Variants in STX8 observed in about 807,000 individuals in gnomAD.
STX8 encodes syntaxin 8.
STX8 carries 23 observed loss-of-function variants against 37.5 expected under a neutral mutation model. The ratio of observed to expected loss-of-function variants is 0.61; its 90% confidence interval spans 0.44 to 0.87. The LOEUF (loss-of-function observed/expected upper bound fraction) is 0.87. Among genes scored for constraint, STX8 ranks in the 40% least tolerant of loss-of-function variants. STX8 has a pLI of 0.00. For missense variants in STX8, 313 were observed against 284.7 expected, an observed-to-expected ratio of 1.10 and a Z score of -0.71; for synonymous variants, 115 against 99.1, an observed-to-expected ratio of 1.16 and a Z score of -0.95.
intron 7 of STX8, among the ~76,000 whole-genome samples, chr17:9,326,443 G>A (rs1282287749): frequency 3.3e-5 from 5 of 152,148 alleles, no homozygotes; most frequent in Non-Finnish European, 7.4e-5. Flanking sequence ...TTTCTAGCCT[G>A]TTCATCTAGT....
chr17:9,331,775 T>TCCCTCC (rs1384871048), intron 7 of STX8, among the ~76,000 whole-genome samples: 4 of 152,004 alleles, frequency 2.6e-5, no homozygotes, highest in Non-Finnish European at 4.4e-5. Context: ...GTTCTCTCTC[T>TCCCTCC]CCCTCCCCCC....
chr17:9,559,291 G>C (rs1276085323), intron 2 of STX8, among the ~76,000 whole-genome samples: 1 of 152,058 alleles, frequency 6.6e-6, no homozygotes, highest in East Asian at 1.9e-4. Flanking sequence ...ATAACCACAT[G>C]TCAATCTTAC....
chr17:9,273,062 T>C (rs1436681705), intron 7 of STX8, among the ~76,000 whole-genome samples: 4 of 152,234 alleles, frequency 2.6e-5, no homozygotes, highest in African/African-American at 9.6e-5. Flanking sequence ...AAACCGCCCT[T>C]TGGCGAGGCG....
At chr17:9,559,760 A>ATATTTATTTTTTT in intron 2 of STX8, among the ~76,000 whole-genome samples, 2 of 24,492 alleles carry the variant, frequency 8.2e-5, no homozygotes, top group Non-Finnish European at 1.2e-4. Context: ...ATATATATAT[A>ATATTTATTTTTTT]TTTTTTTTTT....
At chr17:9,533,183 C>T (rs763685985) in intron 4 of STX8, among the ~76,000 whole-genome samples, 20 of 152,210 alleles carry the variant, frequency 1.3e-4, no homozygotes, top group South Asian at 2.1e-4. Flanking sequence ...AAATTGCTTG[C>T]AGGCTGGTCA....
chr17:9,435,687 C>G (rs1291333718), intron 6 of STX8, among the ~76,000 whole-genome samples: 1 of 152,140 alleles, frequency 6.6e-6, no homozygotes, highest in Non-Finnish European at 1.5e-5. Context: ...CCTTTAGTAA[C>G]AGCCTAAGGA....
intron 3 of STX8, among the ~76,000 whole-genome samples, chr17:9,545,681 A>G (rs924447092): frequency 4.6e-5 from 7 of 152,270 alleles, no homozygotes; most frequent in African/African-American, 1.7e-4. Context: ...CCCGGGTTCA[A>G]GCAGTTCTCC....
chr17:9,359,500 CA>C (rs1567796880), intron 7 of STX8, among the ~76,000 whole-genome samples: 3 of 137,820 alleles, frequency 2.2e-5, no homozygotes, highest in Non-Finnish European at 3.1e-5. Flanking sequence ...AATGCTGAGA[CA>C]TATTTTTTTT....
intron 6 of STX8, among the ~76,000 whole-genome samples, chr17:9,451,790 C>G (rs1905049378): frequency 6.7e-6 from 1 of 149,770 alleles, no homozygotes; most frequent in Non-Finnish European, 1.5e-5. Context: ...TACATATATA[C>G]AGAGAGAGAG....
At chr17:9,335,538 A>T (rs1910107021) in intron 7 of STX8, among the ~76,000 whole-genome samples, 1 of 152,120 alleles carries the variant, frequency 6.6e-6, no homozygotes, top group Non-Finnish European at 1.5e-5. Flanking sequence ...GCACATGTAG[A>T]CACGCTATAT....
chr17:9,538,433 G>C (rs1397281663), intron 4 of STX8, among the ~76,000 whole-genome samples: 1 of 152,096 alleles, frequency 6.6e-6, no homozygotes, highest in Non-Finnish European at 1.5e-5. Flanking sequence ...CATTTAAATT[G>C]AAATAAAACA....
intron 6 of STX8, among the ~76,000 whole-genome samples, chr17:9,485,544 T>TA (rs1906551163): frequency 6.6e-6 from 1 of 151,996 alleles, no homozygotes; most frequent in South Asian, 2.1e-4. Flanking sequence ...CTAGGAAACT[T>TA]AGAGGATTGA....
chr17:9,333,447 GCA>G (rs1567787591), intron 7 of STX8, among the ~76,000 whole-genome samples: 2 of 152,134 alleles, frequency 1.3e-5, no homozygotes, highest in East Asian at 1.9e-4. Context: ...GAGTGCAGTG[GCA>G]TGATCTCGGC....
At chr17:9,421,006 G>T (rs1913404000) in intron 6 of STX8, among the ~76,000 whole-genome samples, 1 of 152,124 alleles carries the variant, frequency 6.6e-6, no homozygotes, top group Non-Finnish European at 1.5e-5. Flanking sequence ...AACGCAACTG[G>T]ACTATTGCAA....
At chr17:9,530,058 A>G (rs1212838992) in intron 4 of STX8, among the ~76,000 whole-genome samples, 1 of 152,186 alleles carries the variant, frequency 6.6e-6, no homozygotes, top group East Asian at 1.9e-4. Flanking sequence ...CTGTAATCCC[A>G]GCACTTTGGG....
At chr17:9,430,401 G>T (rs967904606) in intron 6 of STX8, among the ~76,000 whole-genome samples, 2 of 150,068 alleles carry the variant, frequency 1.3e-5, no homozygotes, top group Admixed American at 1.3e-4. Context: ...CCTAGCCTCG[G>T]TAACCTCTAA....
chr17:9,557,036 T>A (rs1907008572), intron 3 of STX8: 1 of 167,388 alleles, frequency 6.0e-6, no homozygotes, highest in Non-Finnish European at 1.3e-5. Flanking sequence ...AATGGATCAT[T>A]AAAAACTCTG....
At chr17:9,438,667 G>A (rs904276600) in intron 6 of STX8, among the ~76,000 whole-genome samples, 7 of 152,124 alleles carry the variant, frequency 4.6e-5, no homozygotes, top group African/African-American at 1.2e-4. Context: ...GGTGGCTCAC[G>A]TCTGTAATCC....
At chr17:9,419,676 C>T (rs1379709254) in intron 6 of STX8, among the ~76,000 whole-genome samples, 3 of 152,174 alleles carry the variant, frequency 2.0e-5, no homozygotes, top group African/African-American at 7.2e-5. Context: ...TGAACGGTCA[C>T]GGCCTCAGGA....
Sources: gnomAD v4.1 joint callset for allele counts (sites outside exome capture counted in the v4.1 genomes callset) on GRCh38, gnomAD v4.1.1 for gene constraint, MANE v1.5 for transcripts, NCBI Gene and HGNC (gene_info 2026-07-23, HGNC 2026-07-21) for gene names.